GLCCI1: variants seen among roughly 807,000 people sequenced by gnomAD.
GLCCI1 encodes the protein glucocorticoid induced 1.
Under a neutral mutation model 52.2 loss-of-function variants are expected in GLCCI1, and 24 were observed. The ratio of observed to expected loss-of-function variants is 0.46; its 90% CI spans 0.33 to 0.65. The LOEUF is 0.65. Among genes scored for constraint, GLCCI1 ranks in the 30% least tolerant of loss-of-function variants. GLCCI1 has a pLI of 0.02. For missense variants in GLCCI1, 704 were observed against 701.5 expected (o/e 1.00, Z -0.04); for synonymous variants, 310 against 276.5 (o/e 1.12, Z -1.20).
At chr7:8,010,806 A>G (rs1562426566) in intron 2 of GLCCI1, among the ~76,000 whole-genome samples, 1 of 152,198 alleles carries the variant, frequency 6.6e-6, no homozygotes, top group Non-Finnish European at 1.5e-5. Flanking sequence ...ATAGAAATAT[A>G]TTGTTTAGAC....
chr7:8,012,819 T>A (rs541710535), intron 2 of GLCCI1, among the ~76,000 whole-genome samples: 3 of 152,286 alleles, frequency 2.0e-5, no homozygotes, highest in East Asian at 3.9e-4. Context: ...ATTTTTCCAT[T>A]TGTTGACTGT....
At chr7:8,007,104 A>G (rs1781167186) in intron 2 of GLCCI1, among the ~76,000 whole-genome samples, 1 of 152,192 alleles carries the variant, frequency 6.6e-6, no homozygotes, top group Non-Finnish European at 1.5e-5. Flanking sequence ...CTAGAAGGCC[A>G]GAGGAATTTC....
At chr7:7,979,976 C>T (rs903274561) in intron 1 of GLCCI1, among the ~76,000 whole-genome samples, 9 of 152,134 alleles carry the variant, frequency 5.9e-5, no homozygotes, top group Non-Finnish European at 2.9e-5. Flanking sequence ...CGCTGTGTCA[C>T]CCAGGCTGAA....
chr7:8,022,245 T>C (rs1781511724), intron 2 of GLCCI1, among the ~76,000 whole-genome samples: 1 of 152,202 alleles, frequency 6.6e-6, no homozygotes, highest in Non-Finnish European at 1.5e-5. Context: ...ATGTTATTGA[T>C]GTGAAGATAT....
Position 8,058,271 on chromosome 7 carries a change from GAAGTC to G in GLCCI1, c.814-1824_814-1820del, listed in dbSNP as rs1287634637. ...CATGAAATATAAGACACATAAATGG[GAAGTC>G]TTAACACATTAATAGATGGGAAGAT... On this transcript the variant is annotated intron_variant, in intron 4 of 7. Transcript: ENST00000223145. Among the ~76,000 whole-genome samples the G allele has an allele frequency of 2.0e-5, 3 of 152,140 alleles. No individual in the cohort carries two copies. The East Asian group carries it at 5.8e-4, about 29-fold the overall frequency.
At chr7:8,061,312 G>C (rs962483268) in intron 5 of GLCCI1, among the ~76,000 whole-genome samples, 2 of 152,136 alleles carry the variant, frequency 1.3e-5, no homozygotes, top group African/African-American at 4.8e-5. Context: ...ATGTTAGCCA[G>C]GATGGTCTGG....
intron 2 of GLCCI1, among the ~76,000 whole-genome samples, chr7:8,019,515 G>T (rs1583976554): frequency 6.6e-6 from 1 of 152,144 alleles, no homozygotes; most frequent in Admixed American, 6.5e-5. Context: ...ATGATTGAGA[G>T]AACTCTTTCA....
chr7:8,069,310 GAGAC>G (rs1458191288), intron 5 of GLCCI1, among the ~76,000 whole-genome samples: 2 of 152,204 alleles, frequency 1.3e-5, no homozygotes, highest in Non-Finnish European at 2.9e-5. Flanking sequence ...GATCCTGGGG[GAGAC>G]AGACTGACCT....
intron 3 of GLCCI1, among the ~76,000 whole-genome samples, chr7:8,041,662 G>T (rs999864712): frequency 1.3e-5 from 2 of 151,986 alleles, no homozygotes; most frequent in Non-Finnish European, 1.5e-5. Context: ...TGGCATGATC[G>T]TAGCTCACTG....
At chr7:8,029,000 A>C (rs1199437819) in intron 3 of GLCCI1, among the ~76,000 whole-genome samples, 2 of 152,188 alleles carry the variant, frequency 1.3e-5, no homozygotes, top group Non-Finnish European at 2.9e-5. Context: ...CAATGGCTTC[A>C]CCGCTGAATT....
At chr7:8,067,097 A>G (rs1328893165) in intron 5 of GLCCI1, among the ~76,000 whole-genome samples, 1 of 152,196 alleles carries the variant, frequency 6.6e-6, no homozygotes, top group Non-Finnish European at 1.5e-5. Flanking sequence ...TAGGATAGTT[A>G]GGTCTTCCTG....
chr7:7,988,460 A>G (rs912266658), intron 1 of GLCCI1, among the ~76,000 whole-genome samples: 6 of 152,182 alleles, frequency 3.9e-5, no homozygotes, highest in African/African-American at 1.4e-4. Flanking sequence ...CTAAAAGCCT[A>G]TTCAAAGAGG....
chr7:8,028,077 C>T (rs1781660943), intron 3 of GLCCI1, among the ~76,000 whole-genome samples: 1 of 152,174 alleles, frequency 6.6e-6, no homozygotes, highest in Admixed American at 6.5e-5. Context: ...AGCAAGGAAA[C>T]ATTGGGCTTA....
chr7:8,056,503 T>G (rs560671426), intron 4 of GLCCI1, among the ~76,000 whole-genome samples: 1 of 152,336 alleles, frequency 6.6e-6, no homozygotes, highest in Non-Finnish European at 1.5e-5. Context: ...AAATTGAGGA[T>G]TAACATTTTT....
chr7:8,051,696 A>T (rs1453361489), intron 3 of GLCCI1, among the ~76,000 whole-genome samples: 1 of 152,214 alleles, frequency 6.6e-6, no homozygotes, highest in Non-Finnish European at 1.5e-5. Context: ...AGACCTTATG[A>T]TGGGTGTTAA....
chr7:8,068,499 G>A (rs542640698), intron 5 of GLCCI1, among the ~76,000 whole-genome samples: 1 of 152,256 alleles, frequency 6.6e-6, no homozygotes, highest in East Asian at 1.9e-4. Flanking sequence ...GATCAGTTTG[G>A]TTCCTTCTTA....
chr7:8,071,683 C>T (rs1003532520), intron 6 of GLCCI1, among the ~76,000 whole-genome samples: 3 of 152,156 alleles, frequency 2.0e-5, no homozygotes, highest in African/African-American at 7.2e-5. Flanking sequence ...CCAACTGTCT[C>T]TCCATGTTCT....
In GLCCI1 at chr7:8,088,308, T is replaced by C. The variant is rs1783163370; in HGVS notation, c.*1770T>C. ...TATTTTGTCATGATCTCAATTCTCT[T>C]CTTTCCACCAAAGTTTGTCGTAATA... On this transcript the variant is annotated 3_prime_UTR_variant, in exon 8 of 8. Transcript: ENST00000223145. The C allele has an allele frequency of 6.6e-6, 1 of 152,122 alleles. No individual in the cohort carries two copies. The highest frequency in any genetic ancestry group is 6.6e-5 in the Admixed American group (1 of 15,186). 9.4% of individuals were successfully genotyped at this position (152,122 alleles called of 1,614,324 possible).
intron 1 of GLCCI1, among the ~76,000 whole-genome samples, chr7:7,994,112 G>C (rs953753215): frequency 3.3e-5 from 5 of 152,120 alleles, no homozygotes; most frequent in Non-Finnish European, 7.4e-5. Flanking sequence ...AAATTAGCCA[G>C]ACATGTTGGT....
Sources: allele counts gnomAD v4.1 joint callset (sites outside exome capture counted in the v4.1 genomes callset), GRCh38; gene constraint gnomAD v4.1.1; transcripts MANE v1.5; gene names NCBI Gene and HGNC (gene_info 2026-07-23, HGNC 2026-07-21).